The following SCHIP1 variants were observed in gnomAD, a reference collection of about 807,000 sequenced individuals.
SCHIP1 encodes the protein schwannomin interacting protein 1.
A neutral mutation model predicts 29.7 loss-of-function variants in SCHIP1; 8 were observed. The ratio of observed to expected loss-of-function variants is 0.27; its 90% CI spans 0.16 to 0.49. The LOEUF (loss-of-function observed/expected upper bound fraction) is 0.49, where lower values mean the gene tolerates loss of function less well. Among genes scored for constraint, SCHIP1 ranks in the 20% least tolerant of loss-of-function variants. The pLI, the probability that SCHIP1 is intolerant of heterozygous loss-of-function variation, is 0.99. For missense variants in SCHIP1, 193 were observed against 294.6 expected (o/e 0.66, Z 2.52); for synonymous variants, 76 against 94.9 (o/e 0.80, Z 1.16).
the SCHIP1 span, among the ~76,000 whole-genome samples, chr3:159,626,180 CTAGATAGA>C: frequency 3.6e-4 from 33 of 92,328 alleles, no homozygotes; most frequent in Non-Finnish European, 4.8e-4. Flanking sequence ...ATCTATCTAT[CTAGATAGA>C]TAGATAGATA....
the SCHIP1 span, among the ~76,000 whole-genome samples, chr3:159,493,255 T>C: frequency 4.6e-5 from 7 of 152,146 alleles, no homozygotes; most frequent in Non-Finnish European, 8.8e-5. Flanking sequence ...ATAACAATAC[T>C]AACCTTAAAT....
the SCHIP1 span, among the ~76,000 whole-genome samples, chr3:159,475,820 C>G: frequency 6.6e-6 from 1 of 152,198 alleles, no homozygotes; most frequent in Admixed American, 6.6e-5. Flanking sequence ...GGAAAAGAAG[C>G]ATTTGAGAGC....
chr3:159,706,760 C>A, the SCHIP1 span, among the ~76,000 whole-genome samples: 17 of 152,072 alleles, frequency 1.1e-4, no homozygotes, highest in Non-Finnish European at 1.5e-5. Context: ...CAGACCTATT[C>A]AAAAATGGAG....
chr3:159,797,628 A>G, the SCHIP1 span, among the ~76,000 whole-genome samples: 1 of 151,128 alleles, frequency 6.6e-6, no homozygotes, highest in Non-Finnish European at 1.5e-5. Context: ...GCTGGAGTGC[A>G]GTGGCACGAT....
chr3:159,577,504 T>G, the SCHIP1 span, among the ~76,000 whole-genome samples: 1 of 152,206 alleles, frequency 6.6e-6, no homozygotes, highest in Non-Finnish European at 1.5e-5. Context: ...AAAGTACACC[T>G]GCCTTAGCCT....
the SCHIP1 span, among the ~76,000 whole-genome samples, chr3:159,376,885 G>A: frequency 6.6e-6 from 1 of 152,178 alleles, no homozygotes. Context: ...AAGAACTCAG[G>A]AGAACTTGTG....
At chr3:159,428,830 A>G in the SCHIP1 span, among the ~76,000 whole-genome samples, 1 of 152,310 alleles carries the variant, frequency 6.6e-6, no homozygotes, top group African/African-American at 2.4e-5. Flanking sequence ...GATTAAGAAA[A>G]TGTGGCACAT....
chr3:159,719,943 T>C, the SCHIP1 span, among the ~76,000 whole-genome samples: 93 of 152,262 alleles, frequency 6.1e-4, no homozygotes, highest in African/African-American at 2.1e-3. Flanking sequence ...CGTATGTTTA[T>C]TGCGGCACTT....
chr3:159,591,422 A>G, the SCHIP1 span, among the ~76,000 whole-genome samples: 4 of 152,216 alleles, frequency 2.6e-5, no homozygotes, highest in South Asian at 2.1e-4. Flanking sequence ...TACTGGGTAT[A>G]TAACCAAAGG....
the SCHIP1 span, among the ~76,000 whole-genome samples, chr3:159,592,803 G>A: frequency 3.3e-5 from 5 of 152,104 alleles, no homozygotes; most frequent in African/African-American, 1.2e-4. Context: ...TAAATGAAGA[G>A]AAAGGAAACA....
chr3:159,587,298 T>C, the SCHIP1 span, among the ~76,000 whole-genome samples: 1 of 152,176 alleles, frequency 6.6e-6, no homozygotes, highest in African/African-American at 2.4e-5. Context: ...CGAAAGTATC[T>C]TTATTATTTA....
At chr3:159,886,597 A>AC in intron 3 of SCHIP1, 2 of 306,036 alleles carry the variant, frequency 6.5e-6, no homozygotes, top group Non-Finnish European at 1.2e-5. Context: ...CCCTGTCTCT[A>AC]TAAAAAAATA....
chr3:159,472,018 A>C, the SCHIP1 span, among the ~76,000 whole-genome samples: 1 of 152,308 alleles, frequency 6.6e-6, no homozygotes, highest in South Asian at 2.1e-4. Context: ...CAAATAAAGA[A>C]AGACAATATT....
chr3:159,607,405 G>A, the SCHIP1 span, among the ~76,000 whole-genome samples: 1 of 152,102 alleles, frequency 6.6e-6, no homozygotes, highest in Non-Finnish European at 1.5e-5. Context: ...ATTTATATCA[G>A]TAGAAAGCTA....
At chr3:159,429,920 A>T in the SCHIP1 span, among the ~76,000 whole-genome samples, 2 of 152,188 alleles carry the variant, frequency 1.3e-5, no homozygotes, top group Admixed American at 1.3e-4. Context: ...ATGAATATCA[A>T]TGATTTGATA....
chr3:159,781,434 C>T, the SCHIP1 span, among the ~76,000 whole-genome samples: 3 of 152,154 alleles, frequency 2.0e-5, no homozygotes, highest in East Asian at 3.9e-4. Flanking sequence ...CCTTGGCCTC[C>T]TAAAGTGCTG....
the SCHIP1 span, among the ~76,000 whole-genome samples, chr3:159,536,968 T>A: frequency 6.6e-6 from 1 of 152,162 alleles, no homozygotes; most frequent in African/African-American, 2.4e-5. Flanking sequence ...TTGCTACACA[T>A]CTCCTCCCAA....
At chr3:159,889,818 CG>C (rs1717313225) in intron 5 of SCHIP1, among the ~76,000 whole-genome samples, 1 of 152,008 alleles carries the variant, frequency 6.6e-6, no homozygotes. Context: ...AAAAGCTGGC[CG>C]GGCGCGGTGG....
At chr3:159,654,628 G>A in the SCHIP1 span, among the ~76,000 whole-genome samples, 5 of 151,970 alleles carry the variant, frequency 3.3e-5, no homozygotes, top group African/African-American at 9.7e-5. Context: ...GAAAGCAGGT[G>A]GAAGGAGGGT....
Sources: allele counts gnomAD v4.1 joint callset (sites outside exome capture counted in the v4.1 genomes callset), GRCh38; gene constraint gnomAD v4.1.1; transcripts MANE v1.5; gene names NCBI Gene and HGNC (gene_info 2026-07-23, HGNC 2026-07-21).